The following PRKG2 variants were observed in gnomAD, a reference collection of about 807,000 sequenced individuals.
PRKG2 encodes the protein cGMP-dependent protein kinase 2.
PRKG2 carries 33 observed loss-of-function variants against 97.2 expected under a neutral mutation model. The observed-to-expected ratio is 0.34, with a 90% confidence interval of 0.26 to 0.45. The LOEUF is 0.45. Ranked by LOEUF, PRKG2 falls within the 20% of genes least tolerant of loss-of-function variation. The pLI is 1.00. For missense variants in PRKG2, 638 were observed against 900.0 expected, an observed-to-expected ratio of 0.71 and a Z score of 3.73; for synonymous variants, 330 against 321.8, an observed-to-expected ratio of 1.03 and a Z score of -0.27.
chr4:81,211,050 G>T (rs1268788119), intron 1 of PRKG2, among the ~76,000 whole-genome samples: 1 of 152,078 alleles, frequency 6.6e-6, no homozygotes, highest in Admixed American at 6.5e-5. Flanking sequence ...GGGAAAGACA[G>T]AAAGGAATAG....
chr4:81,118,070 T>C (rs1415997073), intron 14 of PRKG2, among the ~76,000 whole-genome samples: 2 of 152,224 alleles, frequency 1.3e-5, no homozygotes, highest in African/African-American at 4.8e-5. Flanking sequence ...TTTTACAAAA[T>C]GTCATTTAGT....
At chr4:81,211,931 T>C (rs976991797) in intron 1 of PRKG2, among the ~76,000 whole-genome samples, 1 of 152,184 alleles carries the variant, frequency 6.6e-6, no homozygotes, top group African/African-American at 2.4e-5. Context: ...ACAGATAATA[T>C]TCTAGGTGGA....
intron 14 of PRKG2, among the ~76,000 whole-genome samples, chr4:81,120,525 A>G (rs774373120): frequency 4.6e-5 from 7 of 152,100 alleles, no homozygotes; most frequent in Admixed American, 1.3e-4. Context: ...ATTTTGTTAT[A>G]TTTAAACCTA....
intron 11 of PRKG2, 30 bp from the exon 12 acceptor site, chr4:81,140,699 A>G: frequency 6.4e-7 from 1 of 1,564,030 alleles, no homozygotes; most frequent in Non-Finnish European, 8.8e-7. Flanking sequence ...ATACCTCAAA[A>G]TTAACTTATA....
At chr4:81,162,311 T>C (rs1169736077) in intron 6 of PRKG2, among the ~76,000 whole-genome samples, 4 of 152,166 alleles carry the variant, frequency 2.6e-5, no homozygotes, top group Non-Finnish European at 4.4e-5. Flanking sequence ...AAGTTACACT[T>C]GCCAGCCTTC....
At chr4:81,209,757 A>G (rs903770591) in intron 1 of PRKG2, among the ~76,000 whole-genome samples, 4 of 152,284 alleles carry the variant, frequency 2.6e-5, no homozygotes, top group Admixed American at 2.6e-4. Flanking sequence ...TATTGAACTG[A>G]AAACATGTAC....
chr4:81,157,821 AC>A (rs1290404358), intron 6 of PRKG2, among the ~76,000 whole-genome samples: 9 of 150,580 alleles, frequency 6.0e-5, no homozygotes, highest in Non-Finnish European at 1.3e-4. Flanking sequence ...AGAACCAAAG[AC>A]AAAAACCACA....
chr4:81,190,346 A>T (rs1752376433), intron 2 of PRKG2, among the ~76,000 whole-genome samples: 1 of 152,218 alleles, frequency 6.6e-6, no homozygotes, highest in Admixed American at 6.5e-5. Context: ...TCAAGAAAGG[A>T]TTCCCTACTT....
chr4:81,183,556 T>A (rs888735056), intron 2 of PRKG2, among the ~76,000 whole-genome samples: 12 of 151,942 alleles, frequency 7.9e-5, no homozygotes, highest in Admixed American at 7.2e-4. Flanking sequence ...AGCACAAAAC[T>A]GGGCGGCCAT....
At position 81,089,799 on chromosome 4, in the gene PRKG2, T is replaced by C; in HGVS notation, c.2198A>G (p.Lys733Arg). ...SLPSPLQREL[K>R]GPIDHSYFDK... is the part of the protein sequence containing the mutation. Reference sequence around the variant, plus strand: ...AAAGTAGCTGTGATCTATGGGTCCCTTGAGCTAATATAGAAATAATTAAAA... The same window carrying C: ...AAAGTAGCTGTGATCTATGGGTCCCCTGAGCTAATATAGAAATAATTAAAA... The change falls in exon 19 of 19, where the codon AAG (lysine) becomes AGG (arginine). Residue 733 changes from lysine to arginine, a missense_variant. Physicochemically the swap from Lys to Arg is conservative, Grantham distance 26 (BLOSUM62 2). Around this residue, in one of 3 missense-constraint regions of PRKG2, gnomAD observed 304 missense variants for 460.5 expected, o/e 0.66. Coordinates refer to ENST00000264399, the MANE Select transcript of PRKG2 (RefSeq NM_006259.3). 1 of 1,599,640 alleles carries C rather than the reference T, an allele frequency of 6.3e-7. No individual in the cohort carries two copies.
rs929958155 is a variant in PRKG2, at chr4:81,109,486, G to T, written c.1940+962C>A. Among the ~76,000 whole-genome samples, 4 of 152,188 alleles carry T rather than the reference G, an allele frequency of 2.6e-5. No homozygotes were observed. The East Asian group carries it at 7.7e-4, about 29-fold the overall frequency. On this transcript the variant is annotated intron_variant, in intron 15 of 18. Transcript: ENST00000264399. ...GAAAATTGATTTGAATTCTGTGTGT[G>T]TATGCCCATGCATTGTATCATAAAC... is the stretch of plus-strand genomic sequence containing the variant.
At chr4:81,124,511 T>C (rs1745367609) in intron 14 of PRKG2, among the ~76,000 whole-genome samples, 1 of 152,240 alleles carries the variant, frequency 6.6e-6, no homozygotes, top group East Asian at 1.9e-4. Flanking sequence ...TCCAAAAGCT[T>C]TGTAGCTTTT....
At chr4:81,163,425 T>G (rs1235742348) in intron 6 of PRKG2, among the ~76,000 whole-genome samples, 1 of 152,202 alleles carries the variant, frequency 6.6e-6, no homozygotes, top group African/African-American at 2.4e-5. Flanking sequence ...AAGCATGTTT[T>G]AATTCTGACC....
chr4:81,100,047 C>A (rs1289081019), intron 17 of PRKG2, among the ~76,000 whole-genome samples: 1 of 151,914 alleles, frequency 6.6e-6, no homozygotes, highest in African/African-American at 2.4e-5. Context: ...CAAACCACTG[C>A]TCGATGAAAT....
Position 81,144,238 on chromosome 4 carries a change from T to C in PRKG2, c.1247A>G (p.His416Arg). The change falls in exon 10 of 19, where the codon CAT (histidine) becomes CGT (arginine). Residue 416 changes from histidine (H) to arginine (R), a missense_variant. By Grantham distance (29) the His-to-Arg change is conservative (BLOSUM62 0). Around this residue, in one of 3 missense-constraint regions of PRKG2, gnomAD observed 304 missense variants for 460.5 expected, o/e 0.66. Transcript: ENST00000264399. ...ANLNRDDEKR[H>R]AKRSMSNWKL... ...AAAACATTCCTCCACTTACTTCGCA[T>C]GTCTTTTTTCATCATCACGGTTCAG... is the stretch of plus-strand genomic sequence containing the variant. 1 of 1,605,838 alleles carries C rather than the reference T, an allele frequency of 6.2e-7. No homozygotes were observed. The highest frequency in any genetic ancestry group is 1.1e-5 in the South Asian group (1 of 90,800).
At chr4:81,211,503 G>A (rs966961794) in intron 1 of PRKG2, among the ~76,000 whole-genome samples, 7 of 152,092 alleles carry the variant, frequency 4.6e-5, no homozygotes, top group South Asian at 2.1e-4. Flanking sequence ...AATTTCCTAC[G>A]CCACATTATG....
chr4:81,140,777 A>C (rs1371104133), intron 11 of PRKG2, 108 bp from the exon 12 acceptor site: 2 of 913,288 alleles, frequency 2.2e-6, no homozygotes, highest in Admixed American at 4.5e-5. Context: ...GGAAGCCCTT[A>C]GCCACTTATC....
At chr4:81,179,505 C>T (rs1751222644) in intron 2 of PRKG2, among the ~76,000 whole-genome samples, 1 of 152,058 alleles carries the variant, frequency 6.6e-6, no homozygotes, top group Non-Finnish European at 1.5e-5. Flanking sequence ...AGACTTGTAA[C>T]CGTGAAGAGC....
At chr4:81,094,363 T>G (rs763172328) in intron 17 of PRKG2, among the ~76,000 whole-genome samples, 12 of 152,136 alleles carry the variant, frequency 7.9e-5, no homozygotes, top group Non-Finnish European at 1.8e-4. Context: ...AAAAAAAGTT[T>G]TACTTTAGAA....
Sources: gnomAD v4.1 joint callset for allele counts (sites outside exome capture counted in the v4.1 genomes callset) on GRCh38, gnomAD v4.1.1 for gene constraint, gnomAD v4.1.1 regional missense constraint, MANE v1.5 for transcripts, NCBI Gene and HGNC (gene_info 2026-07-23, HGNC 2026-07-21) for gene names.